RNF216: variants seen among roughly 807,000 people sequenced by gnomAD.
RNF216 encodes E3 ubiquitin-protein ligase RNF216.
A neutral mutation model predicts 110.8 loss-of-function variants in RNF216; 72 were observed. The ratio of observed to expected loss-of-function variants is 0.65; its 90% CI spans 0.54 to 0.79. The LOEUF (loss-of-function observed/expected upper bound fraction) is 0.79, where lower values mean the gene tolerates loss of function less well. Among genes scored for constraint, RNF216 ranks in the 30% least tolerant of loss-of-function variants. RNF216 has a pLI of 0.00. For synonymous variants in RNF216, 495 were observed against 407.5 expected (o/e 1.21, Z -2.59); for missense variants, 1,342 against 1,141.2 (o/e 1.18, Z -2.54).
At chr7:5,700,380 A>T (rs996217863) in intron 13 of RNF216, among the ~76,000 whole-genome samples, 2 of 152,256 alleles carry the variant, frequency 1.3e-5, no homozygotes, top group African/African-American at 4.8e-5. Flanking sequence ...CATTTCTTAT[A>T]AAAAGGTATT....
Position 5,717,571 on chromosome 7 carries a change from T to C in RNF216, c.1645-805A>G, listed in dbSNP as rs188316853. 1.3e-3 allele frequency among the ~76,000 whole-genome samples: 201 copies of C among 152,232 alleles called. 2 individuals carry two copies. Among genetic ancestry groups the C allele is most frequent in the Middle Eastern group, 6.8e-3 (2 of 294 alleles). ...GAATGATGTATGCACAAACTTATCA[T>C]GGCACTATTTATAATAGCAAAAACC... On this transcript the variant is annotated intron_variant, in intron 9 of 16. Transcript: ENST00000389902.
At chr7:5,711,718 A>T in intron 13 of RNF216, 43 bp downstream of exon 13, 1 of 1,530,728 alleles carries the variant, frequency 6.5e-7, no homozygotes, top group South Asian at 1.2e-5. Context: ...AGCCCATAAT[A>T]CCATAATTCA....
At position 5,633,588 on chromosome 7, in the gene RNF216, CAAAACAAAACA is replaced by C. The variant is rs569393214; in HGVS notation, c.2382+7555_2382+7565del. ...AGACTCCCTCTCAAACAAAACAAAACAAAACAAAACAAAAACAAGGAAATAAGCGGATTGCA... is the reference window on the plus strand; with the variant it reads ...AGACTCCCTCTCAAACAAAACAAAACAAAACAAGGAAATAAGCGGATTGCA... On this transcript the variant is annotated intron_variant, in intron 15 of 16. Coordinates refer to ENST00000389902, the MANE Select transcript of RNF216 (RefSeq NM_207111.4). 4.8e-3 allele frequency among the ~76,000 whole-genome samples: 724 copies of C among 152,146 alleles called. 3 individuals carry two copies. Among genetic ancestry groups the C allele is most frequent in the Non-Finnish European group, 7.3e-3 (499 of 67,970 alleles).
intron 2 of RNF216, among the ~76,000 whole-genome samples, chr7:5,754,455 A>G (rs1464142891): frequency 6.6e-6 from 1 of 151,946 alleles, no homozygotes; most frequent in Non-Finnish European, 1.5e-5. Flanking sequence ...ATGAGCCACC[A>G]TGCCTGACTT....
At chr7:5,763,188 C>A (rs1402195400) in intron 1 of RNF216, among the ~76,000 whole-genome samples, 1 of 152,252 alleles carries the variant, frequency 6.6e-6, no homozygotes, top group East Asian at 1.9e-4. Context: ...GGTAGATTAA[C>A]TGTTAAGTGA....
At chr7:5,736,832 C>T (rs909110175) in intron 5 of RNF216, among the ~76,000 whole-genome samples, 1 of 151,668 alleles carries the variant, frequency 6.6e-6, no homozygotes, top group Non-Finnish European at 1.5e-5. Context: ...AGTGAGGAGC[C>T]CCTCCGCCCC....
intron 2 of RNF216, among the ~76,000 whole-genome samples, chr7:5,759,633 CTT>C (rs560025609): frequency 5.3e-5 from 7 of 131,182 alleles, no homozygotes; most frequent in Non-Finnish European, 1.1e-4. Context: ...CATTTTTCTT[CTT>C]TTTTTTTTTT....
At chr7:5,692,056 C>T (rs573251405) in intron 13 of RNF216, among the ~76,000 whole-genome samples, 2 of 152,342 alleles carry the variant, frequency 1.3e-5, no homozygotes, top group African/African-American at 2.4e-5. Context: ...TAATTTCCGA[C>T]ATTCCTACCC....
At position 5,762,433 on chromosome 7, in the gene RNF216, G is replaced by C. The variant is rs554329131; in HGVS notation, c.-69-1295C>G. Among the ~76,000 whole-genome samples, 703 of 151,296 alleles carry C rather than the reference G, an allele frequency of 4.6e-3. 7 individuals are homozygous for C. The highest frequency in any genetic ancestry group is 0.017 in the African/African-American group (685 of 41,278). On this transcript the variant is annotated intron_variant, in intron 1 of 16. Transcript: ENST00000389902. Reference sequence around the variant, plus strand: ...AGCACTTTGGGAGGCTGAGATAGGCGGATCATGAGGTCAGGAGATTGAGAC... The same window carrying C: ...AGCACTTTGGGAGGCTGAGATAGGCCGATCATGAGGTCAGGAGATTGAGAC...
intron 4 of RNF216, among the ~76,000 whole-genome samples, chr7:5,740,336 C>A (rs747241969): frequency 3.6e-4 from 55 of 152,140 alleles, no homozygotes; most frequent in Non-Finnish European, 6.2e-4. Context: ...CCGTGTTAGC[C>A]AGGATGGTCT....
intron 1 of RNF216, chr7:5,777,523 G>C (rs528807774): frequency 8.4e-4 from 128 of 152,264 alleles, no homozygotes; most frequent in Non-Finnish European, 1.6e-3. Context: ...ACTGACTGCA[G>C]AGTTAGAGTC....
intron 13 of RNF216, among the ~76,000 whole-genome samples, chr7:5,656,983 G>A (rs1050573374): frequency 6.6e-6 from 1 of 152,180 alleles, no homozygotes; most frequent in Admixed American, 6.5e-5. Flanking sequence ...TGAGCCCACA[G>A]GCCAAAGTCA....
intron 9 of RNF216, among the ~76,000 whole-genome samples, chr7:5,718,202 G>A (rs1050882498): frequency 6.5e-4 from 99 of 152,092 alleles, no homozygotes; most frequent in African/African-American, 2.2e-3. Flanking sequence ...TCAACATGGC[G>A]AAACCCTGTC....
chr7:5,655,330 G>A (rs1266958310), intron 13 of RNF216, among the ~76,000 whole-genome samples: 1 of 152,186 alleles, frequency 6.6e-6, no homozygotes, highest in African/African-American at 2.4e-5. Context: ...TATCTGAAAC[G>A]TCTTTTGAAA....
chr7:5,722,369 G>T (rs1181691711), intron 8 of RNF216, among the ~76,000 whole-genome samples: 5 of 143,596 alleles, frequency 3.5e-5, no homozygotes, highest in African/African-American at 5.1e-5. Flanking sequence ...TCATTCTCAT[G>T]TTTTTTTTTT....
chr7:5,742,883 A>C (rs1025223327), intron 3 of RNF216, among the ~76,000 whole-genome samples: 1 of 152,012 alleles, frequency 6.6e-6, no homozygotes, highest in Non-Finnish European at 1.5e-5. Flanking sequence ...GGTGTGGGGC[A>C]CCGCGCTTGG....
intron 2 of RNF216, chr7:5,760,522 GAAAA>G (rs756562209): frequency 4.4e-6 from 1 of 226,242 alleles, no homozygotes; most frequent in South Asian, 3.7e-5. Context: ...CTCAAAAAAA[GAAAA>G]AAAAAAAACA....
At chr7:5,729,344 A>C (rs766203671) in intron 7 of RNF216, 88 bp downstream of exon 7, 42 of 1,341,184 alleles carry the variant, frequency 3.1e-5, no homozygotes, top group Non-Finnish European at 4.2e-5. Flanking sequence ...AAACCATCCC[A>C]ATTTCCACAA....
At chr7:5,732,461 C>T (rs1794149535) in intron 5 of RNF216, among the ~76,000 whole-genome samples, 1 of 152,116 alleles carries the variant, frequency 6.6e-6, no homozygotes, top group African/African-American at 2.4e-5. Flanking sequence ...AAAAACAAAA[C>T]ATGTTTGAGA....
Sources: allele counts gnomAD v4.1 joint callset (sites outside exome capture counted in the v4.1 genomes callset), GRCh38; gene constraint gnomAD v4.1.1; transcripts MANE v1.5; gene names NCBI Gene and HGNC (gene_info 2026-07-23, HGNC 2026-07-21).